The following ATAD5 variants were observed in gnomAD, a reference collection of about 807,000 sequenced individuals.
ATAD5 encodes ATPase family AAA domain-containing protein 5.
In ATAD5, 58 loss-of-function variants were observed where a neutral mutation model predicts 176.9. That is an observed-to-expected ratio of 0.33 (90% CI 0.27 to 0.41). The LOEUF (loss-of-function observed/expected upper bound fraction) is 0.41. Among genes scored for constraint, ATAD5 ranks in the 10% least tolerant of loss-of-function variants. The pLI, the probability that ATAD5 is intolerant of heterozygous loss-of-function variation, is 1.00. For missense variants in ATAD5, 1,789 were observed against 2,094.1 expected (o/e 0.85, Z 2.84); for synonymous variants, 640 against 712.6 (o/e 0.90, Z 1.62).
intron 14 of ATAD5, among the ~76,000 whole-genome samples, chr17:30,873,654 C>A (rs1248929440): frequency 6.6e-6 from 1 of 150,758 alleles, no homozygotes; most frequent in Non-Finnish European, 1.5e-5. Flanking sequence ...ATAGTTTAGC[C>A]AGCTACTCAC....
At position 30,885,294 on chromosome 17, in the gene ATAD5, C is replaced by T. The variant is rs1452914258; in HGVS notation, c.4078-1898C>T. On this transcript the variant is annotated intron_variant, in intron 18 of 22. Transcript: ENST00000321990. ...CTCCTAGCTTCAGGTGATCCCCCAA[C>T]CTTGGCCTCCCAAAGTGCTGGGATT... Among the ~76,000 whole-genome samples the T allele has an allele frequency of 3.3e-5, 5 of 152,166 alleles. No homozygotes were observed. In the East Asian group the frequency reaches 9.6e-4, roughly 29 times the overall value.
intron 6 of ATAD5, among the ~76,000 whole-genome samples, chr17:30,851,508 A>AG (rs1452684091): frequency 6.6e-6 from 1 of 151,650 alleles, no homozygotes; most frequent in Non-Finnish European, 1.5e-5. Context: ...AAAAAAAAAA[A>AG]AAAAATCCTA....
rs1908217413 is a variant in ATAD5 at position 30,869,523 on chromosome 17, C to T, written c.3484C>T (p.Arg1162Cys). 2.5e-6 allele frequency: 4 copies of T among 1,613,304 alleles called. No individual in the cohort carries two copies. The highest frequency in any genetic ancestry group is 2.5e-6 in the Non-Finnish European group (3 of 1,179,870). Residue 1162 changes from arginine (R) to cysteine (C), a missense_variant, in exon 14 of 23, where the codon CGC becomes TGC. Coordinates refer to ENST00000321990, the MANE Select transcript of ATAD5 (RefSeq NM_024857.5). ...KIFEVNASSQ[R>C]SGRQILSQLK... ...ATTTGAAGTGAATGCCTCTTCCCAG[C>T]GCAGTGGTAGACAAATTCTATCTCA...
chr17:30,843,150 G>A (rs1157929210), intron 4 of ATAD5, among the ~76,000 whole-genome samples: 3 of 151,728 alleles, frequency 2.0e-5, no homozygotes, highest in Non-Finnish European at 2.9e-5. Flanking sequence ...CCAGGAGTTC[G>A]AGACCAGCCT....
chr17:30,879,717 C>T (rs1359592113), intron 18 of ATAD5, among the ~76,000 whole-genome samples: 7 of 152,000 alleles, frequency 4.6e-5, no homozygotes, highest in African/African-American at 1.7e-4. Context: ...CGCCTGCCAC[C>T]ACGCCCGGCT....
intron 3 of ATAD5, among the ~76,000 whole-genome samples, chr17:30,838,137 A>G (rs1002319212): frequency 6.6e-6 from 1 of 152,218 alleles, no homozygotes; most frequent in Non-Finnish European, 1.5e-5. Context: ...TATCCCTCGG[A>G]GGGGAAAATA....
chr17:30,843,802 A>G (rs1302415683), intron 4 of ATAD5, 111 bp from the exon 5 acceptor site: 1 of 573,514 alleles, frequency 1.7e-6, no homozygotes, highest in Non-Finnish European at 2.8e-6. Flanking sequence ...TGGGAGGTGT[A>G]TGGAGCTGCT....
At chr17:30,849,871 AC>A (rs1233725278) in intron 6 of ATAD5, among the ~76,000 whole-genome samples, 2 of 152,172 alleles carry the variant, frequency 1.3e-5, no homozygotes, top group Non-Finnish European at 2.9e-5. Context: ...CCTCTACACT[AC>A]CTGATTTCAA....
At chr17:30,890,318 T>C (rs1403299070) in intron 19 of ATAD5, among the ~76,000 whole-genome samples, 1 of 152,042 alleles carries the variant, frequency 6.6e-6, no homozygotes, top group Non-Finnish European at 1.5e-5. Context: ...ACAAATTAGT[T>C]AATAACTTTT....
intron 19 of ATAD5, among the ~76,000 whole-genome samples, chr17:30,889,886 C>CTTTTTTTTTTTTTTTTTTTTTTTTTCTT (rs60266614): frequency 1.0e-5 from 1 of 95,718 alleles, no homozygotes; most frequent in Non-Finnish European, 2.0e-5. Flanking sequence ...TCTTTTCTTT[C>CTTTTTTTTTTTTTTTTTTTTTTTTTCTT]TTTTTTTTTT....
chr17:30,851,478 A>AG (rs1906964467), intron 6 of ATAD5, among the ~76,000 whole-genome samples: 2 of 150,230 alleles, frequency 1.3e-5, no homozygotes, highest in Admixed American at 6.7e-5. Context: ...CCTGGGCAAC[A>AG]GAGCAAGACT....
chr17:30,844,129 AT>A, intron 5 of ATAD5, 90 bp downstream of exon 5: 1 of 1,094,866 alleles, frequency 9.1e-7, no homozygotes, highest in East Asian at 3.2e-5. Context: ...GTATTTATTT[AT>A]TTATTTATTT....
chr17:30,850,552 G>T (rs1255517059), intron 6 of ATAD5, among the ~76,000 whole-genome samples: 2 of 151,426 alleles, frequency 1.3e-5, no homozygotes, highest in Non-Finnish European at 2.9e-5. Context: ...GAGACAAGTT[G>T]TTGCTGTGTT....
At position 30,843,900 on chromosome 17, in the gene ATAD5, T is replaced by C. The variant is rs762990554; in HGVS notation, c.2242-13T>C. On this transcript the variant is annotated splice_polypyrimidine_tract_variant and intron_variant, in intron 4 of 22. Transcript: ENST00000321990. ...ATGATTTAATTAAAATTTATTCTCT[T>C]ATTTTGTCTTAGGATTCTGTTATAA... 2 of 1,290,540 alleles carry C rather than the reference T, an allele frequency of 1.5e-6. No individual in the cohort carries two copies. The highest frequency in any genetic ancestry group is 5.1e-5 in the East Asian group (2 of 39,382). The allele number at this position is 1,290,540 out of a possible 1,614,324, so 79.9% of individuals were successfully genotyped here. A position where few individuals can be genotyped will look rare whatever the true frequency, so the allele number is the denominator to read the frequency against.
At chr17:30,837,581 A>G (rs1258154606) in intron 3 of ATAD5, among the ~76,000 whole-genome samples, 1 of 152,192 alleles carries the variant, frequency 6.6e-6, no homozygotes, top group Non-Finnish European at 1.5e-5. Flanking sequence ...CATCGTGATC[A>G]TTTTTCCTAA....
In ATAD5 at chr17:30,840,212, A is replaced by C. The variant is rs1021109668; in HGVS notation, c.2077-405A>C. Among the ~76,000 whole-genome samples the C allele has an allele frequency of 4.2e-3, 627 of 150,710 alleles. 3 individuals carry two copies. Among genetic ancestry groups the C allele is most frequent in the Non-Finnish European group, 6.9e-3 (469 of 67,814 alleles). The stretch of plus-strand genomic sequence containing the variant: ...GACTCTGTTAAAAAAAAAAAAAAAA[A>C]AAAAAAACAACCTTGAGGCCAAGGT... On this transcript the variant is annotated intron_variant, in intron 3 of 22. Coordinates refer to ENST00000321990, the MANE Select transcript of ATAD5 (RefSeq NM_024857.5).
intron 6 of ATAD5, among the ~76,000 whole-genome samples, chr17:30,848,046 A>T (rs1037467718): frequency 9.9e-5 from 15 of 152,040 alleles, no homozygotes; most frequent in African/African-American, 3.6e-4. Context: ...TCTTATACAC[A>T]TGTATGGACA....
Position 30,854,462 on chromosome 17 carries a change from C to G in ATAD5, c.2451-681C>G, listed in dbSNP as rs1242504311. ...TCTCGGCTCCCTGTAACCTCTGCCC[C>G]CTGGGTTTAAGCCATTCTCCTGCCT... On this transcript the variant is annotated intron_variant, in intron 6 of 22. Coordinates refer to ENST00000321990, the MANE Select transcript of ATAD5 (RefSeq NM_024857.5). 5.3e-5 allele frequency among the ~76,000 whole-genome samples: 8 copies of G among 149,854 alleles called. 1 individual carries two copies. Among genetic ancestry groups the G allele is most frequent in the Admixed American group, 3.3e-4 (5 of 14,936 alleles).
chr17:30,866,974 A>G (rs543651758), intron 11 of ATAD5, among the ~76,000 whole-genome samples: 12 of 152,296 alleles, frequency 7.9e-5, no homozygotes, highest in African/African-American at 2.6e-4. Context: ...AGGATTTCAT[A>G]TAAGGATTTA....
Sources: allele counts gnomAD v4.1 joint callset (sites outside exome capture counted in the v4.1 genomes callset), GRCh38; gene constraint gnomAD v4.1.1; transcripts MANE v1.5; gene names NCBI Gene and HGNC (gene_info 2026-07-23, HGNC 2026-07-21).